Variants in ME1 observed in about 807,000 individuals in gnomAD.
ME1 encodes the protein malic enzyme 1.
In ME1, 74 loss-of-function variants were observed where a neutral mutation model predicts 66.4. The ratio of observed to expected loss-of-function variants is 1.11; its 90% CI spans 0.92 to 1.35. The LOEUF (loss-of-function observed/expected upper bound fraction) is 1.35, where lower values mean the gene tolerates loss of function less well. ME1 is among the 40% of genes most tolerant of loss of function. The pLI is 0.00. For missense variants in ME1, 750 were observed against 694.1 expected, an observed-to-expected ratio of 1.08 and a Z score of -0.90; for synonymous variants, 251 against 235.6, an observed-to-expected ratio of 1.07 and a Z score of -0.60.
chr6:83,348,999 AAAC>A (rs1314778601), intron 4 of ME1, among the ~76,000 whole-genome samples: 3 of 144,322 alleles, frequency 2.1e-5, no homozygotes, highest in East Asian at 2.0e-4. Context: ...AAAAAAAAAA[AAAC>A]AAAAAACAAA....
chr6:83,227,517 T>A, intron 10 of ME1, 40 bp from the exon 11 acceptor site: 1 of 1,500,986 alleles, frequency 6.7e-7, no homozygotes. Flanking sequence ...ACACTATCAT[T>A]GGTTAATTCA....
chr6:83,417,910 T>C (rs1376770104), intron 1 of ME1, among the ~76,000 whole-genome samples: 1 of 152,238 alleles, frequency 6.6e-6, no homozygotes, highest in African/African-American at 2.4e-5. Context: ...TGTAATATTA[T>C]GTATACTGTT....
chr6:83,221,987 A>G lies in ME1; in HGVS notation c.1449+1773T>C, dbSNP rs537747912. On this transcript the variant is annotated intron_variant, in intron 12 of 13. Transcript: ENST00000369705. ...TGATGTGGTATGTTGACAACACCACATTTTTTTTTTCCTTCAAAGTGTTTT... is the reference window on the plus strand; with the variant it reads ...TGATGTGGTATGTTGACAACACCACGTTTTTTTTTTCCTTCAAAGTGTTTT... Among the ~76,000 whole-genome samples, 6 of 150,116 alleles carry G rather than the reference A, an allele frequency of 4.0e-5. No individual in the cohort carries two copies. The South Asian group carries it at 8.5e-4, about 21-fold the overall frequency.
intron 5 of ME1, among the ~76,000 whole-genome samples, chr6:83,343,207 T>C (rs1172424473): frequency 6.6e-6 from 1 of 152,172 alleles, no homozygotes; most frequent in Non-Finnish European, 1.5e-5. Flanking sequence ...TTGGCAACTA[T>C]CATTCTACTC....
intron 1 of ME1, among the ~76,000 whole-genome samples, chr6:83,424,642 C>T (rs1770334999): frequency 6.6e-6 from 1 of 152,136 alleles, no homozygotes; most frequent in African/African-American, 2.4e-5. Flanking sequence ...TGTCAAAGTC[C>T]AGAAAATGTC....
chr6:83,330,069 C>T (rs1256277860), intron 5 of ME1, among the ~76,000 whole-genome samples: 1 of 152,172 alleles, frequency 6.6e-6, no homozygotes, highest in Admixed American at 6.5e-5. Context: ...GATCCTCTCA[C>T]TTCACCTCCT....
intron 6 of ME1, among the ~76,000 whole-genome samples, chr6:83,293,677 G>T (rs1373790943): frequency 6.6e-6 from 1 of 152,100 alleles, no homozygotes; most frequent in African/African-American, 2.4e-5. Context: ...TGGGGAAAGG[G>T]GTGAAATGAA....
At chr6:83,407,975 T>TATA in intron 1 of ME1, 74 bp from the exon 2 acceptor site, 1 of 1,474,714 alleles carries the variant, frequency 6.8e-7, no homozygotes, top group African/African-American at 1.4e-5. Context: ...ACATATAAAA[T>TATA]CTGACAAGTA....
At chr6:83,416,737 T>C (rs762930117) in intron 1 of ME1, among the ~76,000 whole-genome samples, 1 of 151,136 alleles carries the variant, frequency 6.6e-6, no homozygotes, top group African/African-American at 2.4e-5. Context: ...AAAAAAAAAG[T>C]AGAAAAAAAT....
intron 1 of ME1, among the ~76,000 whole-genome samples, chr6:83,408,448 T>C (rs1378209460): frequency 1.3e-5 from 2 of 152,174 alleles, no homozygotes; most frequent in Non-Finnish European, 2.9e-5. Context: ...ACCCTTTTAT[T>C]CTTCCATGGC....
chr6:83,346,035 TA>T, intron 5 of ME1, 137 bp downstream of exon 5: 1 of 617,882 alleles, frequency 1.6e-6, no homozygotes, highest in South Asian at 3.1e-5. Flanking sequence ...CTTACAACAG[TA>T]AAGGGCAGAT....
intron 7 of ME1, among the ~76,000 whole-genome samples, chr6:83,252,186 T>C (rs557975901): frequency 6.6e-6 from 1 of 152,058 alleles, no homozygotes. Context: ...TCAGGTTTGG[T>C]GGGGAAATAA....
chr6:83,317,595 T>C (rs927155826), intron 5 of ME1, among the ~76,000 whole-genome samples: 1 of 151,892 alleles, frequency 6.6e-6, no homozygotes, highest in Non-Finnish European at 1.5e-5. Flanking sequence ...AGATACACAA[T>C]CATGTCGTCT....
chr6:83,415,125 T>C (rs1399156008), intron 1 of ME1, among the ~76,000 whole-genome samples: 1 of 152,194 alleles, frequency 6.6e-6, no homozygotes, highest in Non-Finnish European at 1.5e-5. Context: ...CCTATGATAG[T>C]GTGTATAGTG....
chr6:83,282,376 C>T (rs1208096603), intron 6 of ME1, among the ~76,000 whole-genome samples: 1 of 152,144 alleles, frequency 6.6e-6, no homozygotes, highest in Non-Finnish European at 1.5e-5. Context: ...TGACAAAGGG[C>T]TAATATCCAG....
intron 9 of ME1, among the ~76,000 whole-genome samples, chr6:83,236,485 A>G (rs1477398968): frequency 6.6e-6 from 1 of 152,206 alleles, no homozygotes; most frequent in Non-Finnish European, 1.5e-5. Context: ...CTAATCATTC[A>G]TCTTCACATA....
At chr6:83,342,865 T>C (rs1768615051) in intron 5 of ME1, among the ~76,000 whole-genome samples, 1 of 152,112 alleles carries the variant, frequency 6.6e-6, no homozygotes, top group Admixed American at 6.6e-5. Flanking sequence ...TTTGTATTTT[T>C]AGTATACGGG....
At chr6:83,390,036 A>G (rs560504444) in intron 3 of ME1, among the ~76,000 whole-genome samples, 35 of 152,276 alleles carry the variant, frequency 2.3e-4, no homozygotes, top group Middle Eastern at 3.4e-3. Context: ...CACAAAACCA[A>G]TAAAGGAGTA....
intron 6 of ME1, among the ~76,000 whole-genome samples, chr6:83,277,901 A>AAATAATAATAATAATAATAATAAT (rs3837004): frequency 0.053 from 7,578 of 143,968 alleles, 250 homozygotes; most frequent in Middle Eastern, 0.11. Context: ...CTGTATCTCA[A>AAATAATAATAATAATAATAATAAT]AATAATAATA....
Sources: allele counts gnomAD v4.1 joint callset (sites outside exome capture counted in the v4.1 genomes callset), GRCh38; gene constraint gnomAD v4.1.1; transcripts MANE v1.5; gene names NCBI Gene and HGNC (gene_info 2026-07-23, HGNC 2026-07-21).